CNTNAP5: variants seen among roughly 807,000 people sequenced by gnomAD.
CNTNAP5 encodes the protein contactin-associated protein-like 5.
In CNTNAP5, 72 loss-of-function variants were observed where a neutral mutation model predicts 150.2. The ratio of observed to expected loss-of-function variants is 0.48; its 90% CI spans 0.40 to 0.58. The LOEUF is 0.58. CNTNAP5 is among the 20% of genes least tolerant of loss of function. The probability of loss-of-function intolerance (pLI) is 0.00; values close to 1 mark genes in which losing one functional copy is unlikely to be tolerated. For synonymous variants in CNTNAP5, 672 were observed against 619.8 expected (o/e 1.08, Z -1.25); for missense variants, 1,636 against 1,626.2 (o/e 1.01, Z -0.10).
At chr2:124,366,013 A>C (rs958222001) in intron 3 of CNTNAP5, among the ~76,000 whole-genome samples, 1 of 152,188 alleles carries the variant, frequency 6.6e-6, no homozygotes, top group African/African-American at 2.4e-5. Flanking sequence ...TTTATCCTAT[A>C]ACCCCTGTTA....
At chr2:124,127,012 C>T (rs962321243) in intron 1 of CNTNAP5, among the ~76,000 whole-genome samples, 3 of 152,146 alleles carry the variant, frequency 2.0e-5, no homozygotes, top group African/African-American at 7.2e-5. Context: ...GACAGGGATG[C>T]CCTCTCTCAC....
chr2:124,807,520 A>C (rs1276616487), intron 19 of CNTNAP5, among the ~76,000 whole-genome samples: 7 of 152,190 alleles, frequency 4.6e-5, no homozygotes, highest in Non-Finnish European at 1.0e-4. Context: ...CACAATGACT[A>C]TGGAGTCGGT....
intron 11 of CNTNAP5, among the ~76,000 whole-genome samples, chr2:124,568,630 C>T (rs1463903775): frequency 6.6e-6 from 1 of 152,196 alleles, no homozygotes; most frequent in Non-Finnish European, 1.5e-5. Context: ...GTTTTTGTTT[C>T]TATATTCAAC....
At chr2:124,820,495 C>T (rs73955843) in intron 19 of CNTNAP5, among the ~76,000 whole-genome samples, 7,804 of 149,868 alleles carry the variant, frequency 0.052, 661 homozygotes, top group African/African-American at 0.18. Context: ...AAAAATGCAG[C>T]GAATTTAGGA....
intron 21 of CNTNAP5, among the ~76,000 whole-genome samples, chr2:124,901,857 A>T (rs1678420041): frequency 6.6e-6 from 1 of 152,112 alleles, no homozygotes; most frequent in Admixed American, 6.6e-5. Context: ...TTAATTTCTC[A>T]TTTTCCTCCA....
chr2:124,828,735 CAAAAAAAAAAAAAAAAAAAA>C lies in CNTNAP5; in HGVS notation c.3217+30433_3217+30452del, dbSNP rs60339676. 0.022 allele frequency among the ~76,000 whole-genome samples: 514 copies of C among 23,122 alleles called. 39 individuals are homozygous for C. The East Asian group carries it at 0.39, about 18-fold the overall frequency. The allele number at this position is 23,122 out of a possible 152,430, so 15.2% of individuals were successfully genotyped here. A position where few individuals can be genotyped will look rare whatever the true frequency, so the allele number is the denominator to read the frequency against. ...CCTTGCAGACCAATGCAAGTGTTGGCAAAAAAAAAAAAAAAAAAAAAAAAAAAAAAAAAAAAATCAATCAC... is the reference window on the plus strand; with the variant it reads ...CCTTGCAGACCAATGCAAGTGTTGGCAAAAAAAAAAAAAAAAATCAATCAC... On this transcript the variant is annotated intron_variant, in intron 19 of 23. Transcript: ENST00000682447.
chr2:124,196,144 C>T (rs931127757), intron 1 of CNTNAP5, among the ~76,000 whole-genome samples: 2 of 151,928 alleles, frequency 1.3e-5, no homozygotes, highest in African/African-American at 4.8e-5. Flanking sequence ...AAGCTACATG[C>T]ACAATGGCTT....
intron 1 of CNTNAP5, among the ~76,000 whole-genome samples, chr2:124,037,633 C>T (rs1325520596): frequency 1.3e-5 from 2 of 152,042 alleles, no homozygotes; most frequent in Non-Finnish European, 2.9e-5. Context: ...CTAAAAAATT[C>T]AAATTCCTAG....
chr2:124,832,809 A>G (rs954356448), intron 19 of CNTNAP5, among the ~76,000 whole-genome samples: 10 of 152,186 alleles, frequency 6.6e-5, no homozygotes, highest in African/African-American at 2.4e-4. Context: ...AAGTAGGCAG[A>G]AAAAATAATA....
intron 3 of CNTNAP5, among the ~76,000 whole-genome samples, chr2:124,384,737 A>T (rs1437287387): frequency 3.9e-5 from 6 of 152,180 alleles, no homozygotes; most frequent in Non-Finnish European, 7.3e-5. Flanking sequence ...CGTGAAATAA[A>T]CTGTGGATTT....
rs1678829693 is a variant in CNTNAP5 at position 124,919,371 on chromosome 2, A to T, written c.*5083A>T. On this transcript the variant is annotated 3_prime_UTR_variant, in exon 24 of 24. Transcript: ENST00000682447. ...ACAGAAAAGCACATTTTCTAGTGAAATATTGTACTTTGTAAGCTAGATGTC... is the reference window on the plus strand; with the variant it reads ...ACAGAAAAGCACATTTTCTAGTGAATTATTGTACTTTGTAAGCTAGATGTC... Among the ~76,000 whole-genome samples the T allele has an allele frequency of 6.6e-6, 1 of 152,128 alleles. No individual in the cohort carries two copies. The highest frequency in any genetic ancestry group is 1.5e-5 in the Non-Finnish European group (1 of 68,016).
chr2:124,046,591 C>T (rs950005694), intron 1 of CNTNAP5, among the ~76,000 whole-genome samples: 1 of 152,014 alleles, frequency 6.6e-6, no homozygotes, highest in Admixed American at 6.6e-5. Context: ...TCATTTTTTC[C>T]TTGAAATGTC....
chr2:124,557,959 G>A (rs774703835), intron 10 of CNTNAP5, among the ~76,000 whole-genome samples: 1 of 152,084 alleles, frequency 6.6e-6, no homozygotes, highest in African/African-American at 2.4e-5. Flanking sequence ...AAAGTGTAGG[G>A]GTGAGTTGAG....
rs1376440580 is a variant in CNTNAP5 at position 124,915,408 on chromosome 2, T to A, written c.*1120T>A. The A allele has an allele frequency of 6.0e-6, 1 of 166,406 alleles. No homozygotes were observed. Among genetic ancestry groups the A allele is most frequent in the African/African-American group, 2.4e-5 (1 of 41,422 alleles). 10.3% of individuals were successfully genotyped at this position (166,406 alleles called of 1,614,324 possible). On this transcript the variant is annotated 3_prime_UTR_variant, in exon 24 of 24. Coordinates refer to ENST00000682447, the MANE Select transcript of CNTNAP5 (RefSeq NM_001367498.1). Reference sequence around the variant, plus strand: ...GAAGAAAAATACCAAACAGAATTCTTCCCTTCCATTCACTCACTAAAGACC... The same window carrying A: ...GAAGAAAAATACCAAACAGAATTCTACCCTTCCATTCACTCACTAAAGACC...
In CNTNAP5 at chr2:124,869,717, G is replaced by T; in HGVS notation, c.3391G>T (p.Val1131Leu). The change falls in exon 21 of 24, where the codon GTA becomes TTA. Residue 1131 changes from valine to leucine, a missense_variant. By Grantham distance (32) the Val-to-Leu change is conservative. Coordinates refer to ENST00000682447, the MANE Select transcript of CNTNAP5 (RefSeq NM_001367498.1). ...LRLSYNFSPE[V>L]EFRVIRSLTL... is the part of the protein sequence containing the mutation. The stretch of plus-strand genomic sequence containing the variant: ...ACTCAGTTATAACTTCTCTCCGGAA[G>T]TAGAGTTCAGGGTTATAAGGTCACT... The T allele has an allele frequency of 6.2e-7, 1 of 1,612,356 alleles. No individual in the cohort carries two copies. Among genetic ancestry groups the T allele is most frequent in the Non-Finnish European group, 8.5e-7 (1 of 1,178,870 alleles).
At chr2:124,282,135 CA>C (rs1326838405) in intron 3 of CNTNAP5, among the ~76,000 whole-genome samples, 1 of 152,000 alleles carries the variant, frequency 6.6e-6, no homozygotes, top group East Asian at 1.9e-4. Context: ...CATAGGCACC[CA>C]AAAAGGGCAA....
At chr2:124,726,975 T>C (rs889186003) in intron 13 of CNTNAP5, among the ~76,000 whole-genome samples, 10 of 152,122 alleles carry the variant, frequency 6.6e-5, no homozygotes, top group African/African-American at 2.4e-4. Context: ...ACAGGTCTTT[T>C]GTTTAAATTT....
intron 10 of CNTNAP5, among the ~76,000 whole-genome samples, chr2:124,553,630 T>TA (rs1695683800): frequency 6.6e-6 from 1 of 151,662 alleles, no homozygotes; most frequent in South Asian, 2.1e-4. Context: ...TTAAGAAAAA[T>TA]AAAATCCAGA....
At chr2:124,823,075 G>A (rs981817908) in intron 19 of CNTNAP5, among the ~76,000 whole-genome samples, 6 of 152,198 alleles carry the variant, frequency 3.9e-5, no homozygotes, top group Non-Finnish European at 7.3e-5. Context: ...CATAAATGCT[G>A]TGATTAGTGC....
Sources: gnomAD v4.1 joint callset for allele counts (sites outside exome capture counted in the v4.1 genomes callset) on GRCh38, gnomAD v4.1.1 for gene constraint, MANE v1.5 for transcripts, NCBI Gene and HGNC (gene_info 2026-07-23, HGNC 2026-07-21) for gene names.